The following BBS9 variants were observed in gnomAD, a reference collection of about 807,000 sequenced individuals.
The protein encoded by BBS9 is protein PTHB1.
A neutral mutation model predicts 117.7 loss-of-function variants in BBS9; 89 were observed. The ratio of observed to expected loss-of-function variants is 0.76; its 90% CI spans 0.64 to 0.90. The LOEUF (loss-of-function observed/expected upper bound fraction) is 0.90, where lower values mean the gene tolerates loss of function less well. Ranked by LOEUF, BBS9 falls within the 40% of genes least tolerant of loss-of-function variation. The probability of loss-of-function intolerance (pLI) is 0.00; values close to 1 mark genes in which losing one functional copy is unlikely to be tolerated. For synonymous variants in BBS9, 379 were observed against 370.9 expected (o/e 1.02, Z -0.25); for missense variants, 982 against 1,042.2 (o/e 0.94, Z 0.80).
chr7:33,514,073 C>T (rs1199391485), intron 20 of BBS9, among the ~76,000 whole-genome samples: 1 of 152,150 alleles, frequency 6.6e-6, no homozygotes, highest in Admixed American at 6.5e-5. Context: ...AACCTAAAAG[C>T]TAATAGTTGC....
intron 5 of BBS9, among the ~76,000 whole-genome samples, chr7:33,229,385 C>A (rs919341987): frequency 1.3e-5 from 2 of 152,092 alleles, no homozygotes; most frequent in African/African-American, 4.8e-5. Context: ...CCCATTTTCT[C>A]CCCCTGCCAT....
intron 9 of BBS9, among the ~76,000 whole-genome samples, chr7:33,313,852 T>G (rs1809859579): frequency 6.6e-6 from 1 of 152,158 alleles, no homozygotes; most frequent in African/African-American, 2.4e-5. Context: ...ACCTTAAAAA[T>G]TATTTAAAAA....
intron 5 of BBS9, among the ~76,000 whole-genome samples, chr7:33,195,520 G>A (rs1411972764): frequency 1.3e-5 from 2 of 152,044 alleles, no homozygotes; most frequent in African/African-American, 4.8e-5. Flanking sequence ...GCAGCATATT[G>A]TATGTAAGTT....
intron 21 of BBS9, among the ~76,000 whole-genome samples, chr7:33,565,781 G>GTGTATA (rs1491174064): frequency 4.6e-5 from 3 of 65,672 alleles, no homozygotes; most frequent in African/African-American, 1.0e-4. Context: ...GCTATCAGTA[G>GTGTATA]TATATATATA....
rs1825504244 is a variant in BBS9 at position 33,383,728 on chromosome 7, C to G, written c.1852C>G (p.Leu618Val). The part of the protein sequence containing the change: ...DLWLITNELI[L>V]RLQEYFEKQG... ...TTGGCTCATAACCAATGAGCTTATT[C>G]TTCGCCTTCAAGAATATTTTGAAAA... The change falls in exon 18 of 23, where the codon CTT (leucine) becomes GTT (valine). Residue 618 changes from leucine to valine, a missense_variant. Physicochemically the swap from Leu to Val is conservative, Grantham distance 32. Coordinates refer to ENST00000242067, the MANE Select transcript of BBS9 (RefSeq NM_198428.3). 6.2e-7 allele frequency: 1 copy of G among 1,611,906 alleles called. No homozygotes were observed. The highest frequency in any genetic ancestry group is 8.5e-7 in the Non-Finnish European group (1 of 1,179,048).
At chr7:33,249,480 C>A (rs1044059362) in intron 5 of BBS9, among the ~76,000 whole-genome samples, 1 of 151,494 alleles carries the variant, frequency 6.6e-6, no homozygotes, top group Non-Finnish European at 1.5e-5. Context: ...TCTGCCTCTA[C>A]CCCCCATCCC....
chr7:33,254,520 T>G (rs1314393170), intron 5 of BBS9, among the ~76,000 whole-genome samples: 1 of 152,220 alleles, frequency 6.6e-6, no homozygotes, highest in Non-Finnish European at 1.5e-5. Flanking sequence ...TTCTTTTTTG[T>G]GATGAGAACA....
chr7:33,442,568 T>G (rs1396465164), intron 19 of BBS9, among the ~76,000 whole-genome samples: 1 of 152,160 alleles, frequency 6.6e-6, no homozygotes, highest in Non-Finnish European at 1.5e-5. Flanking sequence ...TAAGCTAAAG[T>G]TTTACAATTG....
At chr7:33,348,991 A>T (rs1472729683) in intron 12 of BBS9, 77 bp from the exon 13 acceptor site, 1 of 1,002,912 alleles carries the variant, frequency 1.0e-6, no homozygotes, top group African/African-American at 1.6e-5. Context: ...TTTGCTAGTT[A>T]TGTTTAAGTA....
intron 4 of BBS9, among the ~76,000 whole-genome samples, chr7:33,176,191 G>A (rs917767051): frequency 2.6e-5 from 4 of 152,054 alleles, no homozygotes; most frequent in African/African-American, 7.2e-5. Flanking sequence ...TAATCCATAT[G>A]CCAAAGAGTC....
intron 9 of BBS9, among the ~76,000 whole-genome samples, chr7:33,314,049 A>G (rs1809918506): frequency 6.6e-6 from 1 of 152,186 alleles, no homozygotes; most frequent in African/African-American, 2.4e-5. Context: ...AAGGACCAAC[A>G]AGACATGATT....
At chr7:33,409,118 T>C (rs184136631) in intron 19 of BBS9, among the ~76,000 whole-genome samples, 8 of 152,350 alleles carry the variant, frequency 5.3e-5, no homozygotes, top group South Asian at 2.1e-4. Context: ...ATGTTTCTTC[T>C]GTTGATAATT....
chr7:33,301,286 T>C (rs1451041136), intron 9 of BBS9, among the ~76,000 whole-genome samples: 2 of 152,050 alleles, frequency 1.3e-5, no homozygotes, highest in Admixed American at 6.6e-5. Context: ...AATATAAGCA[T>C]ATTCTTAATT....
At chr7:33,527,720 C>T (rs772509111) in intron 20 of BBS9, among the ~76,000 whole-genome samples, 51 of 152,348 alleles carry the variant, frequency 3.3e-4, no homozygotes, top group African/African-American at 1.2e-3. Context: ...GCGTCGCTCA[C>T]GCTGGGAGCT....
At chr7:33,492,374 T>A (rs541530133) in intron 19 of BBS9, among the ~76,000 whole-genome samples, 1 of 152,254 alleles carries the variant, frequency 6.6e-6, no homozygotes, top group South Asian at 2.1e-4. Flanking sequence ...CGTAATTACT[T>A]GTCTCTTACA....
intron 1 of BBS9, among the ~76,000 whole-genome samples, chr7:33,138,056 C>T (rs1373387128): frequency 6.6e-6 from 1 of 152,154 alleles, no homozygotes; most frequent in Non-Finnish European, 1.5e-5. Flanking sequence ...AAACAAACAA[C>T]ACAAAAATCA....
At chr7:33,382,244 G>A (rs562043026) in intron 17 of BBS9, among the ~76,000 whole-genome samples, 3 of 152,106 alleles carry the variant, frequency 2.0e-5, no homozygotes, top group Admixed American at 6.5e-5. Context: ...GGTGGATCAC[G>A]AGGTCAGGAG....
At chr7:33,623,985 T>TAA (rs57482020) in intron 21 of BBS9, among the ~76,000 whole-genome samples, 7 of 82,958 alleles carry the variant, frequency 8.4e-5, no homozygotes, top group African/African-American at 1.9e-4. Context: ...ATTCTATTAT[T>TAA]AAAAAAAAAA....
chr7:33,265,966 A>G (rs537665515), intron 7 of BBS9, among the ~76,000 whole-genome samples: 4 of 152,260 alleles, frequency 2.6e-5, no homozygotes, highest in African/African-American at 7.2e-5. Context: ...TGGTAATTAA[A>G]TTGTCCTTTG....
Sources: gnomAD v4.1 joint callset for allele counts (sites outside exome capture counted in the v4.1 genomes callset) on GRCh38, gnomAD v4.1.1 for gene constraint, MANE v1.5 for transcripts, NCBI Gene and HGNC (gene_info 2026-07-23, HGNC 2026-07-21) for gene names.